Variants in CFAP54 observed in about 807,000 individuals in gnomAD.
The protein encoded by CFAP54 is cilia and flagella associated protein 54, also known as cilia- and flagella-associated protein 54.
In CFAP54, 290 loss-of-function variants were observed where a neutral mutation model predicts 370.4. That is an observed-to-expected ratio of 0.78 (90% CI 0.71 to 0.86). CFAP54 has a LOEUF of 0.86. Ranked by LOEUF, CFAP54 falls within the 40% of genes least tolerant of loss-of-function variation. The probability of loss-of-function intolerance (pLI) is 0.00; values close to 1 mark genes in which losing one functional copy is unlikely to be tolerated. For missense variants in CFAP54, 3,399 were observed against 3,528.7 expected (o/e 0.96, Z 0.93); for synonymous variants, 1,206 against 1,236.5 (o/e 0.98, Z 0.52).
intron 19 of CFAP54, among the ~76,000 whole-genome samples, chr12:96,573,279 A>G (rs1217329883): frequency 6.6e-6 from 1 of 152,234 alleles, no homozygotes; most frequent in Admixed American, 6.5e-5. Flanking sequence ...GAATGAAGAT[A>G]CATTAATGTT....
At chr12:96,590,395 A>G (rs1352458124) in intron 23 of CFAP54, among the ~76,000 whole-genome samples, 1 of 152,226 alleles carries the variant, frequency 6.6e-6, no homozygotes, top group Non-Finnish European at 1.5e-5. Context: ...AATGAGCATT[A>G]CTGTAATTTC....
At chr12:96,741,432 A>T (rs1403543913) in intron 51 of CFAP54, among the ~76,000 whole-genome samples, 1 of 152,008 alleles carries the variant, frequency 6.6e-6, no homozygotes, top group Non-Finnish European at 1.5e-5. Context: ...CAAAGTGCTG[A>T]GATTACAGGT....
chr12:96,734,687 T>C (rs1957960004), intron 50 of CFAP54, among the ~76,000 whole-genome samples: 1 of 152,182 alleles, frequency 6.6e-6, no homozygotes, highest in Non-Finnish European at 1.5e-5. Flanking sequence ...AAAATTAGGT[T>C]ATTTCACATG....
intron 4 of CFAP54, among the ~76,000 whole-genome samples, chr12:96,512,301 TTATATATATATA>T (rs1165045194): frequency 0.026 from 798 of 30,928 alleles, 22 homozygotes; most frequent in African/African-American, 0.079. Flanking sequence ...GGAACCAATT[TTATATATATATA>T]TATATATATA....
chr12:96,597,897 A>G (rs1488495038), intron 25 of CFAP54, among the ~76,000 whole-genome samples: 1 of 151,910 alleles, frequency 6.6e-6, no homozygotes, highest in Non-Finnish European at 1.5e-5. Context: ...GGGATATGAT[A>G]TGGTAGCATG....
intron 64 of CFAP54, among the ~76,000 whole-genome samples, chr12:96,812,900 C>G (rs1958941368): frequency 1.3e-5 from 2 of 151,946 alleles, no homozygotes; most frequent in Admixed American, 6.6e-5. Context: ...TCCTGTTCTT[C>G]CCTTCCTTCC....
chr12:96,695,616 G>A (rs7300195), intron 45 of CFAP54, among the ~76,000 whole-genome samples: 37,327 of 151,952 alleles, frequency 0.25, 4,750 homozygotes, highest in South Asian at 0.29. Flanking sequence ...CAAAATTCTT[G>A]AGGCTAGGAT....
chr12:96,576,132 C>A (rs1955972724), intron 19 of CFAP54, among the ~76,000 whole-genome samples: 1 of 151,958 alleles, frequency 6.6e-6, no homozygotes, highest in South Asian at 2.1e-4. Context: ...TAAAAAGAAA[C>A]TCTCAATAAT....
chr12:96,714,110 A>G (rs1485904018), intron 48 of CFAP54, among the ~76,000 whole-genome samples: 2 of 152,228 alleles, frequency 1.3e-5, no homozygotes, highest in African/African-American at 4.8e-5. Context: ...GGGTGAATAT[A>G]TAAGACCATA....
chr12:96,535,559 T>C lies in CFAP54; in HGVS notation c.1750T>C (p.Leu584=), dbSNP rs889267403. 2 of 1,536,218 alleles carry C rather than the reference T, an allele frequency of 1.3e-6. No individual in the cohort carries two copies. Among genetic ancestry groups the C allele is most frequent in the African/African-American group, 2.7e-5 (2 of 73,030 alleles). ...TCGYSEDIFH[L]AATLYVCVCT... Reference sequence around the variant, plus strand: ...TGGATATTCAGAGGATATTTTCCATTTGGCAGCAACCTTGTATGTCTGTGT... The same window carrying C: ...TGGATATTCAGAGGATATTTTCCATCTGGCAGCAACCTTGTATGTCTGTGT... Residue 584 remains leucine (L), a synonymous_variant, in exon 12 of 68, where the codon TTG becomes CTG. Transcript: ENST00000524981.
intron 50 of CFAP54, among the ~76,000 whole-genome samples, chr12:96,733,961 A>G (rs949041682): frequency 2.0e-5 from 3 of 152,280 alleles, no homozygotes; most frequent in Non-Finnish European, 4.4e-5. Flanking sequence ...TACTGAGTAA[A>G]TGAGGTGCCT....
At position 96,742,390 on chromosome 12, in the gene CFAP54, C is replaced by A. The variant is rs117291891; in HGVS notation, c.7072-49C>A. ...CATTACATTTAGTCTTAGGCTAGAA[C>A]CTTGACATTATTAAATGGAAAGATA... is the stretch of plus-strand genomic sequence containing the variant. On this transcript the variant is annotated intron_variant, in intron 51 of 67. Transcript: ENST00000524981. The A allele has an allele frequency of 8.4e-3, 11,754 of 1,402,852 alleles. 548 individuals carry two copies. In the East Asian group the frequency reaches 0.11, roughly 14 times the overall value. The allele number at this position is 1,402,852 out of a possible 1,614,324, so 86.9% of individuals were successfully genotyped here. A position where few individuals can be genotyped will look rare whatever the true frequency, so the allele number is the denominator to read the frequency against.
intron 67 of CFAP54, among the ~76,000 whole-genome samples, chr12:96,866,583 G>T (rs1393814102): frequency 6.6e-6 from 1 of 152,084 alleles, no homozygotes; most frequent in Non-Finnish European, 1.5e-5. Context: ...AATTGTACAT[G>T]ATGTGAAAAC....
intron 4 of CFAP54, among the ~76,000 whole-genome samples, chr12:96,508,126 C>CTT (rs398020728): frequency 0.011 from 1,247 of 112,176 alleles, 72 homozygotes; most frequent in Non-Finnish European, 0.012. Flanking sequence ...CAAACATAGT[C>CTT]TTTTTTTTTT....
At chr12:96,838,697 TGATTCAAGATGA>T (rs1959194405) in intron 66 of CFAP54, among the ~76,000 whole-genome samples, 1 of 152,174 alleles carries the variant, frequency 6.6e-6, no homozygotes, top group African/African-American at 2.4e-5. Flanking sequence ...CTAGGGATTA[TGATTCAAGATGA>T]GATTTGGGTG....
At chr12:96,605,200 T>G (rs369638386) in intron 26 of CFAP54, among the ~76,000 whole-genome samples, 1 of 152,328 alleles carries the variant, frequency 6.6e-6, no homozygotes, top group African/African-American at 2.4e-5. Flanking sequence ...ATATATTTAT[T>G]ATACTGCGTT....
chr12:96,757,451 G>A, intron 57 of CFAP54, 44 bp from the exon 58 acceptor site: 1 of 1,106,400 alleles, frequency 9.0e-7, no homozygotes. Flanking sequence ...CAATGATTAT[G>A]CATGGTGAAG....
intron 55 of CFAP54, 151 bp from the exon 56 acceptor site, chr12:96,753,592 C>A: frequency 1.4e-6 from 1 of 700,466 alleles, no homozygotes; most frequent in Non-Finnish European, 2.3e-6. Context: ...TATTATATGT[C>A]TTTAAAACAT....
chr12:96,708,102 G>T (rs1395831321), intron 47 of CFAP54, among the ~76,000 whole-genome samples: 2 of 152,050 alleles, frequency 1.3e-5, no homozygotes, highest in Admixed American at 6.6e-5. Context: ...CTGTGATTTT[G>T]CTAAGGAAGT....
Sources: allele counts gnomAD v4.1 joint callset (sites outside exome capture counted in the v4.1 genomes callset), GRCh38; gene constraint gnomAD v4.1.1; transcripts MANE v1.5; gene names NCBI Gene and HGNC (gene_info 2026-07-23, HGNC 2026-07-21).